GABARAPL1: variants seen among roughly 807,000 people sequenced by gnomAD.
GABARAPL1 encodes GABA type A receptor associated protein like 1.
In GABARAPL1, 4 loss-of-function variants were observed where a neutral mutation model predicts 14.5. The observed-to-expected ratio is 0.28, with a 90% CI of 0.14 to 0.63. GABARAPL1 has a LOEUF of 0.63. Among genes scored for constraint, GABARAPL1 ranks in the 30% least tolerant of loss-of-function variants. The probability of loss-of-function intolerance (pLI) is 0.84; values close to 1 mark genes in which losing one functional copy is unlikely to be tolerated. For missense variants in GABARAPL1, 82 were observed against 139.2 expected (o/e 0.59, Z 2.07); for synonymous variants, 47 against 50.6 (o/e 0.93, Z 0.30).
rs902950421 is a variant in GABARAPL1 at position 10,213,038 on chromosome 12, G to T, written c.-92G>T. 5.2e-6 allele frequency: 4 copies of T among 775,788 alleles called. No individual in the cohort carries two copies. In the Admixed American group the frequency reaches 8.4e-5, roughly 16 times the overall value. 48.1% of individuals were successfully genotyped at this position (775,788 alleles called of 1,614,324 possible). On this transcript the variant is annotated 5_prime_UTR_variant, in exon 1 of 4. Coordinates refer to ENST00000266458, the MANE Select transcript of GABARAPL1 (RefSeq NM_031412.4). ...GCGGACGTTTCTGCAGCTATTCTGA[G>T]CACACCTTGACGTCGGCTGAGGGAG...
chr12:10,221,445 T>G (rs1412964115), intron 3 of GABARAPL1: 1 of 925,148 alleles, frequency 1.1e-6, no homozygotes, highest in Non-Finnish European at 1.3e-6. Context: ...AATCTTTTTT[T>G]GCATAGCATA....
intron 1 of GABARAPL1, chr12:10,213,891 GGTACC>G (rs1317452931): frequency 2.2e-6 from 1 of 455,790 alleles, no homozygotes; most frequent in Non-Finnish European, 4.4e-6. Context: ...CTGATCACCT[GGTACC>G]TGGTCGCGAT....
chr12:10,220,752 A>T, intron 3 of GABARAPL1, 194 bp downstream of exon 3: 2 of 1,505,838 alleles, frequency 1.3e-6, no homozygotes, highest in African/African-American at 2.8e-5. Flanking sequence ...TAGCCACTCT[A>T]CTAGATTTAA....
At chr12:10,214,116 A>T in intron 1 of GABARAPL1, 1 of 250,950 alleles carries the variant, frequency 4.0e-6, no homozygotes, top group Non-Finnish European at 8.4e-6. Flanking sequence ...CTTAAGTGGT[A>T]GGGGGACCAG....
Position 10,213,046 on chromosome 12 carries a change from T to C in GABARAPL1, c.-84T>C, listed in dbSNP as rs901484591. The C allele has an allele frequency of 1.1e-5, 9 of 819,232 alleles. No homozygotes were observed. The highest frequency in any genetic ancestry group is 1.9e-5 in the Non-Finnish European group (9 of 483,726). 50.7% of individuals were successfully genotyped at this position (819,232 alleles called of 1,614,324 possible). A position where few individuals can be genotyped will look rare whatever the true frequency, so the allele number is the denominator to read the frequency against. ...TTCTGCAGCTATTCTGAGCACACCTTGACGTCGGCTGAGGGAGCGGGACAG... is the reference window on the plus strand; with the variant it reads ...TTCTGCAGCTATTCTGAGCACACCTCGACGTCGGCTGAGGGAGCGGGACAG... On this transcript the variant is annotated 5_prime_UTR_variant, in exon 1 of 4. Coordinates refer to ENST00000266458, the MANE Select transcript of GABARAPL1 (RefSeq NM_031412.4).
chr12:10,221,152 T>A (rs1024040279), intron 3 of GABARAPL1: 2 of 981,246 alleles, frequency 2.0e-6, no homozygotes, highest in African/African-American at 1.7e-5. Context: ...TGAAACAGAT[T>A]CCACATTATC....
At chr12:10,220,367 C>G in intron 2 of GABARAPL1, 73 bp from the exon 3 acceptor site, 1 of 1,593,490 alleles carries the variant, frequency 6.3e-7, no homozygotes. Flanking sequence ...GAATTTTTTT[C>G]CAGGACTTAC....
In GABARAPL1 at chr12:10,222,264, A is replaced by T. The variant is rs1376464262; in HGVS notation, c.*412A>T. On this transcript the variant is annotated 3_prime_UTR_variant, in exon 4 of 4. Transcript: ENST00000266458. ...ATTCTATTTTTGACATTTGCACAAG[A>T]CAGGTAGGGAAAGGGGACTTGTGGT... The T allele has an allele frequency of 5.0e-6, 1 of 201,582 alleles. No individual in the cohort carries two copies. Among genetic ancestry groups the T allele is most frequent in the Non-Finnish European group, 1.0e-5 (1 of 96,172 alleles). The allele number at this position is 201,582 out of a possible 1,614,324, so 12.5% of individuals were successfully genotyped here. A position where few individuals can be genotyped will look rare whatever the true frequency, so the allele number is the denominator to read the frequency against.
At chr12:10,221,100 A>G (rs1033941340) in intron 3 of GABARAPL1, 27 of 985,248 alleles carry the variant, frequency 2.7e-5, no homozygotes, top group Middle Eastern at 5.2e-4. Context: ...CCACATTGAT[A>G]CTAAACAAGG....
intron 1 of GABARAPL1, among the ~76,000 whole-genome samples, chr12:10,215,666 A>T (rs11833542): frequency 0.093 from 14,058 of 151,146 alleles, 1,039 homozygotes; most frequent in South Asian, 0.2. Flanking sequence ...CACTTTCTTT[A>T]TCTGTCTTCC....
chr12:10,215,530 A>C (rs772397543), intron 1 of GABARAPL1, among the ~76,000 whole-genome samples: 5 of 152,192 alleles, frequency 3.3e-5, no homozygotes, highest in Non-Finnish European at 5.9e-5. Context: ...CATAGTGAGG[A>C]GTAGAGCTGG....
intron 1 of GABARAPL1, among the ~76,000 whole-genome samples, chr12:10,215,479 CTG>C (rs1314134046): frequency 1.3e-5 from 2 of 152,192 alleles, no homozygotes; most frequent in Non-Finnish European, 2.9e-5. Context: ...ATGAGGAAAA[CTG>C]AGACCCAAAG....
At chr12:10,217,112 T>C (rs772290972) in intron 1 of GABARAPL1, among the ~76,000 whole-genome samples, 3 of 152,316 alleles carry the variant, frequency 2.0e-5, no homozygotes, top group East Asian at 1.9e-4. Flanking sequence ...TTTTATATTT[T>C]TATAGATCTA....
chr12:10,214,542 C>T (rs1275313921), intron 1 of GABARAPL1: 1 of 152,126 alleles, frequency 6.6e-6, no homozygotes, highest in Non-Finnish European at 1.5e-5. Context: ...TCTGGTGATA[C>T]CAATCTTTTG....
rs1285108303 is a variant in GABARAPL1, at chr12:10,220,642, A to G, written c.288+84A>G. ...CCCTTGTTCTAGATGCGTTGATAAC[A>G]CATCTGAGAAGTGGGGCAGAAGGTG... On this transcript the variant is annotated intron_variant, in intron 3 of 3. Transcript: ENST00000266458. The G allele has an allele frequency of 1.9e-6, 3 of 1,597,072 alleles. No individual in the cohort carries two copies. The African/African-American group carries it at 4.0e-5, about 21-fold the overall frequency.
Position 10,213,053 on chromosome 12 carries a change from G to T in GABARAPL1, c.-77G>T. ...GCTATTCTGAGCACACCTTGACGTC[G>T]GCTGAGGGAGCGGGACAGGGTCAGC... is the stretch of plus-strand genomic sequence containing the variant. On this transcript the variant is annotated 5_prime_UTR_variant, in exon 1 of 4. Coordinates refer to ENST00000266458, the MANE Select transcript of GABARAPL1 (RefSeq NM_031412.4). 1.2e-6 allele frequency: 1 copy of T among 868,566 alleles called. No homozygotes were observed. Among genetic ancestry groups the T allele is most frequent in the Non-Finnish European group, 1.9e-6 (1 of 525,722 alleles). The allele number at this position is 868,566 out of a possible 1,614,324, so 53.8% of individuals were successfully genotyped here. A position where few individuals can be genotyped will look rare whatever the true frequency, so the allele number is the denominator to read the frequency against.
intron 1 of GABARAPL1, among the ~76,000 whole-genome samples, chr12:10,215,326 G>A (rs1949081571): frequency 1.3e-5 from 2 of 152,186 alleles, no homozygotes; most frequent in African/African-American, 4.8e-5. Flanking sequence ...GAAAAGAAGA[G>A]GTGTGCTTGT....
In GABARAPL1 at chr12:10,220,467, A is replaced by G; in HGVS notation, c.197A>G (p.Lys66Arg). The G allele has an allele frequency of 6.2e-7, 1 of 1,611,988 alleles. No homozygotes were observed. The highest frequency in any genetic ancestry group is 1.1e-5 in the South Asian group (1 of 90,996). ...GGCCAGTTCTACTTCTTAATCCGGA[A>G]GAGAATCCACCTGAGACCTGAGGAC... ...TVGQFYFLIR[K>R]RIHLRPEDAL... is the part of the protein sequence containing the mutation. The change falls in exon 3 of 4, where the codon AAG becomes AGG. Residue 66 changes from lysine (K) to arginine (R), a missense_variant. Lys to Arg is a conservative substitution (Grantham distance 26, BLOSUM62 2). Around this residue, in one of 3 missense-constraint regions of GABARAPL1, gnomAD observed 65 missense variants for 103.7 expected, o/e 0.63. Transcript: ENST00000266458.
rs564391492 is a variant in GABARAPL1, at chr12:10,216,382, G to A, written c.91-1681G>A. Among the ~76,000 whole-genome samples the A allele has an allele frequency of 3.5e-4, 53 of 151,516 alleles. 1 individual carries two copies. In the South Asian group the frequency reaches 0.011, roughly 30 times the overall value. On this transcript the variant is annotated intron_variant, in intron 1 of 3. Transcript: ENST00000266458. The stretch of plus-strand genomic sequence containing the variant: ...GTGACACTCGACCTCAAAAAAAAAA[G>A]TTACTGGAATACTGAAGCTGAGAGA...
Sources: gnomAD v4.1 joint callset for allele counts (sites outside exome capture counted in the v4.1 genomes callset) on GRCh38, gnomAD v4.1.1 for gene constraint, gnomAD v4.1.1 regional missense constraint, MANE v1.5 for transcripts, NCBI Gene and HGNC (gene_info 2026-07-23, HGNC 2026-07-21) for gene names.